ATP13A4: variants seen among roughly 807,000 people sequenced by gnomAD.
ATP13A4 encodes ATPase 13A4.
Under a neutral mutation model 142.5 loss-of-function variants are expected in ATP13A4, and 114 were observed. The observed-to-expected ratio is 0.80, with a 90% CI of 0.69 to 0.93. ATP13A4 has a LOEUF of 0.93. Among genes scored for constraint, ATP13A4 ranks in the 40% least tolerant of loss-of-function variants. The pLI is 0.00. For missense variants in ATP13A4, 1,392 were observed against 1,454.0 expected (o/e 0.96, Z 0.69); for synonymous variants, 488 against 514.8 (o/e 0.95, Z 0.70).
intron 2 of ATP13A4, among the ~76,000 whole-genome samples, chr3:193,568,062 C>T (rs1163808472): frequency 6.6e-6 from 1 of 152,040 alleles, no homozygotes; most frequent in Non-Finnish European, 1.5e-5. Flanking sequence ...CGGGTTCAAG[C>T]GATTCTCCTG....
intron 3 of ATP13A4, among the ~76,000 whole-genome samples, chr3:193,494,048 G>T (rs146499033): frequency 6.6e-6 from 1 of 151,994 alleles, no homozygotes; most frequent in Non-Finnish European, 1.5e-5. Context: ...AAAGATCATT[G>T]CATAATGACA....
At position 193,407,379 on chromosome 3, in the gene ATP13A4, G is replaced by A. The variant is rs766687694; in HGVS notation, c.3312C>T (p.Pro1104=). 5.6e-6 allele frequency: 9 copies of A among 1,613,060 alleles called. No homozygotes were observed. Among genetic ancestry groups the A allele is most frequent in the Admixed American group, 1.7e-5 (1 of 59,980 alleles). The change falls in exon 29 of 30, where the codon CCC becomes CCT. Residue 1104 remains proline, a synonymous_variant. Transcript: ENST00000342695. ...TGACAATGGAGGCCCTCCACAGGAC[G>A]GGAGTGCAGAGCAGCTGGCGGGAGA... ...LYRRLDLLCT[P]VLWRASIVIM...
chr3:193,557,508 T>C (rs1325752723), upstream of ATP13A4, among the ~76,000 whole-genome samples: 3 of 152,222 alleles, frequency 2.0e-5, no homozygotes, highest in South Asian at 6.2e-4. Flanking sequence ...ACACTCACTG[T>C]TGCACACAAT....
In ATP13A4 at chr3:193,484,026, GA is replaced by G; in HGVS notation, c.739-22del. 3.2e-6 allele frequency: 5 copies of G among 1,576,734 alleles called. No homozygotes were observed. The South Asian group carries it at 5.5e-5, about 17-fold the overall frequency. ...GATTGCTGAAAAAGAAGGAAAAATG[GA>G]AAAGTCTTATCTATTTGAGCATAGT... On this transcript the variant is annotated intron_variant, in intron 7 of 29. Coordinates refer to ENST00000342695, the MANE Select transcript of ATP13A4 (RefSeq NM_032279.4).
chr3:193,421,993 T>C (rs1715425037), intron 25 of ATP13A4, among the ~76,000 whole-genome samples: 1 of 149,788 alleles, frequency 6.7e-6, no homozygotes, highest in Non-Finnish European at 1.5e-5. Flanking sequence ...TCAAAAGACA[T>C]AGAGTAGCTG....
intron 25 of ATP13A4, among the ~76,000 whole-genome samples, chr3:193,431,991 CT>C (rs1716003166): frequency 2.6e-5 from 4 of 151,720 alleles, no homozygotes; most frequent in Middle Eastern, 3.2e-3. Flanking sequence ...GTATACATAA[CT>C]GTTTGGGAAG....
At chr3:193,557,649 C>T (rs1723931631), upstream of ATP13A4, among the ~76,000 whole-genome samples, 1 of 152,204 alleles carries the variant, frequency 6.6e-6, no homozygotes, top group Non-Finnish European at 1.5e-5. Flanking sequence ...AGTATTCGGA[C>T]CTAGGCAATG....
In ATP13A4 at chr3:193,440,481, T is replaced by A. The variant is rs968925266; in HGVS notation, c.2519+77A>T. ...CACTGCCCTTGTCAAACTGAGTGACTCCTGGTACCTCTTCCACTCCCCCTG... is the reference window on the plus strand; with the variant it reads ...CACTGCCCTTGTCAAACTGAGTGACACCTGGTACCTCTTCCACTCCCCCTG... On this transcript the variant is annotated intron_variant, in intron 21 of 29. Transcript: ENST00000342695. 4 of 1,602,696 alleles carry A rather than the reference T, an allele frequency of 2.5e-6. No homozygotes were observed. The Admixed American group carries it at 6.8e-5, about 27-fold the overall frequency.
intron 25 of ATP13A4, among the ~76,000 whole-genome samples, chr3:193,425,334 A>G (rs996938624): frequency 2.0e-5 from 3 of 151,868 alleles, no homozygotes; most frequent in African/African-American, 7.2e-5. Flanking sequence ...TGGAACTACC[A>G]TATGATCTAG....
chr3:193,471,780 C>A (rs1318516660), intron 8 of ATP13A4, among the ~76,000 whole-genome samples: 3 of 152,164 alleles, frequency 2.0e-5, no homozygotes, highest in Non-Finnish European at 4.4e-5. Context: ...TTCCCTGCTT[C>A]CTGATTGCCT....
At chr3:193,500,629 A>G (rs1200230328) in intron 3 of ATP13A4, among the ~76,000 whole-genome samples, 1 of 152,186 alleles carries the variant, frequency 6.6e-6, no homozygotes, top group Non-Finnish European at 1.5e-5. Context: ...TGCTGACCTG[A>G]CAGGAGGCAG....
chr3:193,560,181 G>T (rs1723984661), intron 2 of ATP13A4, among the ~76,000 whole-genome samples: 1 of 151,890 alleles, frequency 6.6e-6, no homozygotes. Flanking sequence ...TCTTATATAT[G>T]ATATACTTCA....
chr3:193,592,511 T>A (rs1560295298), intron 1 of ATP13A4, among the ~76,000 whole-genome samples: 1 of 152,226 alleles, frequency 6.6e-6, no homozygotes, highest in Non-Finnish European at 1.5e-5. Flanking sequence ...AACTGAATGC[T>A]GTGGCAGGCT....
rs924033246 is a variant in ATP13A4 at position 193,451,763 on chromosome 3, G to A, written c.2027+2338C>T. On this transcript the variant is annotated intron_variant, in intron 17 of 29. Coordinates refer to ENST00000342695, the MANE Select transcript of ATP13A4 (RefSeq NM_032279.4). ...GGCCAATAACCTTTGAAGAGATTAT[G>A]ATACCAATGCTGGAAGCACCCTGAG... 3.3e-5 allele frequency among the ~76,000 whole-genome samples: 5 copies of A among 152,292 alleles called. No individual in the cohort carries two copies. The South Asian group carries it at 1.0e-3, about 32-fold the overall frequency.
intron 3 of ATP13A4, among the ~76,000 whole-genome samples, chr3:193,494,726 A>T (rs1273236703): frequency 6.6e-6 from 1 of 152,024 alleles, no homozygotes; most frequent in African/African-American, 2.4e-5. Flanking sequence ...AAATGAGAAC[A>T]AACTAAATCC....
rs145642375 is a variant in ATP13A4 at position 193,439,365 on chromosome 3, T to C, written c.2520-300A>G. On this transcript the variant is annotated intron_variant, in intron 21 of 29. Transcript: ENST00000342695. ...ACAATTCTATGATGTAAGTTTGGCATGGCAGAGAGGGCACAGGATTTGAAA... is the reference window on the plus strand; with the variant it reads ...ACAATTCTATGATGTAAGTTTGGCACGGCAGAGAGGGCACAGGATTTGAAA... Among the ~76,000 whole-genome samples, 25 of 152,308 alleles carry C rather than the reference T, an allele frequency of 1.6e-4. No individual in the cohort carries two copies. The East Asian group carries it at 4.6e-3, about 28-fold the overall frequency.
chr3:193,474,347 A>AAC (rs1487315931), intron 8 of ATP13A4, among the ~76,000 whole-genome samples: 11 of 145,872 alleles, frequency 7.5e-5, no homozygotes, highest in African/African-American at 2.8e-4. Context: ...AAAAAAAAAA[A>AAC]CAAACAAAAA....
intron 1 of ATP13A4, among the ~76,000 whole-genome samples, chr3:193,521,311 C>A (rs915317001): frequency 2.0e-5 from 3 of 152,064 alleles, no homozygotes; most frequent in African/African-American, 4.8e-5. Context: ...CCTACTGAGA[C>A]AATTAATAGG....
chr3:193,502,421 C>T, intron 3 of ATP13A4, 72 bp downstream of exon 3: 5 of 1,531,166 alleles, frequency 3.3e-6, no homozygotes, highest in Non-Finnish European at 4.5e-6. Flanking sequence ...AGAGGAGCTA[C>T]ATTTAACTAT....
Sources: gnomAD v4.1 joint callset for allele counts (sites outside exome capture counted in the v4.1 genomes callset) on GRCh38, gnomAD v4.1.1 for gene constraint, MANE v1.5 for transcripts, NCBI Gene and HGNC (gene_info 2026-07-23, HGNC 2026-07-21) for gene names.